Variants in SAMD12 observed in about 807,000 individuals in gnomAD.
SAMD12 encodes the protein sterile alpha motif domain-containing protein 12.
Under a neutral mutation model 15.0 loss-of-function variants are expected in SAMD12, and 9 were observed. The observed-to-expected ratio is 0.60, with a 90% confidence interval of 0.36 to 1.05. The LOEUF (loss-of-function observed/expected upper bound fraction) is 1.05. Among genes scored for constraint, SAMD12 ranks in the 50% least tolerant of loss-of-function variants. The pLI, the probability that SAMD12 is intolerant of heterozygous loss-of-function variation, is 0.01. For missense variants in SAMD12, 230 were observed against 234.2 expected, an observed-to-expected ratio of 0.98 and a Z score of 0.12; for synonymous variants, 86 against 90.1, an observed-to-expected ratio of 0.96 and a Z score of 0.25.
the SAMD12 span, among the ~76,000 whole-genome samples, chr8:118,141,252 G>A: frequency 6.6e-6 from 1 of 152,194 alleles, no homozygotes; most frequent in Admixed American, 6.5e-5. Context: ...TGTAACAGAA[G>A]TACTAACTAA....
chr8:118,431,396 C>T (rs908627481), intron 3 of SAMD12, among the ~76,000 whole-genome samples: 8 of 152,120 alleles, frequency 5.3e-5, no homozygotes, highest in Non-Finnish European at 8.8e-5. Flanking sequence ...GCCTGAAGAA[C>T]TTTTATCACT....
chr8:118,326,373 G>A lies in SAMD12; in HGVS notation c.433+53187C>T, dbSNP rs866488269. Among the ~76,000 whole-genome samples, 15 of 152,184 alleles carry A rather than the reference G, an allele frequency of 9.9e-5. No homozygotes were observed. The Middle Eastern group carries it at 0.014, about 138-fold the overall frequency. On this transcript the variant is annotated intron_variant, in intron 4 of 4. Coordinates refer to the SAMD12 transcript ENST00000409003. ...CCAAAAACTCAGGGTCCCAAGTTAG[G>A]GGAAGGCTTGGGGAAGATTATCTAT...
intron 1 of SAMD12, among the ~76,000 whole-genome samples, chr8:118,582,874 T>G (rs1302983785): frequency 6.6e-6 from 1 of 151,448 alleles, no homozygotes; most frequent in Non-Finnish European, 1.5e-5. Flanking sequence ...TTAGCTGATT[T>G]GCATCTCGGT....
At chr8:118,201,158 G>T (rs1018215292) in intron 4 of SAMD12, among the ~76,000 whole-genome samples, 1 of 152,160 alleles carries the variant, frequency 6.6e-6, no homozygotes. Context: ...GACAGCCCTG[G>T]CTCTGAAAAG....
At chr8:118,548,745 C>T (rs550542433) in intron 2 of SAMD12, among the ~76,000 whole-genome samples, 1 of 152,362 alleles carries the variant, frequency 6.6e-6, no homozygotes, top group Admixed American at 6.5e-5. Flanking sequence ...TCGGGAAGTG[C>T]AAGGGGTCAG....
chr8:118,258,866 T>G lies in SAMD12; in HGVS notation c.434-61134A>C, dbSNP rs1038131970. Reference sequence around the variant, plus strand: ...CTCTAAGAGGAAAGGAGTTGAGAATTGAGAAATGAGAAGGCCTCTGCTTGA... The same window carrying G: ...CTCTAAGAGGAAAGGAGTTGAGAATGGAGAAATGAGAAGGCCTCTGCTTGA... On this transcript the variant is annotated intron_variant, in intron 4 of 4. Coordinates refer to the SAMD12 transcript ENST00000409003. Among the ~76,000 whole-genome samples, 7 of 152,056 alleles carry G rather than the reference T, an allele frequency of 4.6e-5. 1 individual carries two copies. The highest frequency in any genetic ancestry group is 1.0e-4 in the Non-Finnish European group (7 of 67,998).
chr8:118,358,850 A>C (rs928822073), intron 4 of SAMD12, among the ~76,000 whole-genome samples: 1 of 152,222 alleles, frequency 6.6e-6, no homozygotes, highest in Non-Finnish European at 1.5e-5. Context: ...AAGTATATCC[A>C]ATTCACTGGA....
At chr8:118,155,611 A>T in the SAMD12 span, among the ~76,000 whole-genome samples, 1 of 152,220 alleles carries the variant, frequency 6.6e-6, no homozygotes, top group Non-Finnish European at 1.5e-5. Flanking sequence ...AGGAAGGAGA[A>T]CGCTAGGGTG....
At chr8:118,509,784 T>C (rs1825024596) in intron 2 of SAMD12, among the ~76,000 whole-genome samples, 1 of 152,228 alleles carries the variant, frequency 6.6e-6, no homozygotes. Context: ...TTCACATGTG[T>C]CCTAAATATC....
intron 1 of SAMD12, among the ~76,000 whole-genome samples, chr8:118,613,514 A>T (rs1828157871): frequency 6.6e-6 from 1 of 152,248 alleles, no homozygotes; most frequent in Non-Finnish European, 1.5e-5. Flanking sequence ...TTTTCATAGC[A>T]TGATTATAAA....
chr8:118,449,544 G>A (rs1823013342), intron 2 of SAMD12, among the ~76,000 whole-genome samples: 1 of 149,828 alleles, frequency 6.7e-6, no homozygotes, highest in African/African-American at 2.4e-5. Flanking sequence ...GGGCGTGGTG[G>A]CTCACACCTG....
At chr8:118,221,661 T>C (rs1266392176) in intron 4 of SAMD12, among the ~76,000 whole-genome samples, 1 of 152,118 alleles carries the variant, frequency 6.6e-6, no homozygotes, top group Non-Finnish European at 1.5e-5. Context: ...ACCAGGCTAA[T>C]GGGTTTGGAT....
At chr8:118,355,693 T>G (rs890190450) in intron 4 of SAMD12, among the ~76,000 whole-genome samples, 1 of 152,160 alleles carries the variant, frequency 6.6e-6, no homozygotes, top group Non-Finnish European at 1.5e-5. Flanking sequence ...AGAAATTTTC[T>G]AAAACATTAG....
chr8:118,174,080 T>A, the SAMD12 span, among the ~76,000 whole-genome samples: 1 of 152,226 alleles, frequency 6.6e-6, no homozygotes, highest in Non-Finnish European at 1.5e-5. Context: ...CAGTTAAAAG[T>A]ACTGGACCTT....
chr8:118,593,878 A>T (rs548785103), intron 1 of SAMD12, among the ~76,000 whole-genome samples: 32 of 152,374 alleles, frequency 2.1e-4, no homozygotes, highest in Non-Finnish European at 4.0e-4. Flanking sequence ...CCACTATTCT[A>T]AAAATGTAGT....
At chr8:118,615,158 G>A (rs1828209808) in intron 1 of SAMD12, among the ~76,000 whole-genome samples, 1 of 152,128 alleles carries the variant, frequency 6.6e-6, no homozygotes, top group Non-Finnish European at 1.5e-5. Context: ...AATCCATTAA[G>A]AAGCATGCAT....
chr8:118,412,845 G>A (rs917906944), intron 3 of SAMD12, among the ~76,000 whole-genome samples: 18 of 152,188 alleles, frequency 1.2e-4, no homozygotes, highest in Non-Finnish European at 4.4e-5. Flanking sequence ...ATAGGTAGCT[G>A]AAACAGTTCA....
At chr8:118,163,623 C>G in the SAMD12 span, among the ~76,000 whole-genome samples, 1 of 150,914 alleles carries the variant, frequency 6.6e-6, no homozygotes, top group African/African-American at 2.4e-5. Flanking sequence ...CGCCTGTAAT[C>G]CCAGCACTTT....
intron 4 of SAMD12, among the ~76,000 whole-genome samples, chr8:118,348,335 T>C (rs1038567705): frequency 9.2e-5 from 14 of 151,810 alleles, no homozygotes; most frequent in African/African-American, 3.4e-4. Context: ...TCCCAAAGTG[T>C]TGGGGTTACG....
Sources: allele counts gnomAD v4.1 joint callset (sites outside exome capture counted in the v4.1 genomes callset), GRCh38; gene constraint gnomAD v4.1.1; transcripts MANE v1.5; gene names NCBI Gene and HGNC (gene_info 2026-07-23, HGNC 2026-07-21).